Variants in TNC observed in about 807,000 individuals in gnomAD.
The protein encoded by TNC is tenascin.
Under a neutral mutation model 202.4 loss-of-function variants are expected in TNC, and 109 were observed. The observed-to-expected ratio is 0.54, with a 90% CI of 0.46 to 0.63. TNC has a LOEUF of 0.63. TNC is among the 30% of genes least tolerant of loss of function. TNC has a pLI of 0.00. For missense variants in TNC, 2,756 were observed against 2,833.3 expected, an observed-to-expected ratio of 0.97 and a Z score of 0.62; for synonymous variants, 1,007 against 1,089.7, an observed-to-expected ratio of 0.92 and a Z score of 1.50.
chr9:115,023,519 A>G (rs916817460), intron 27 of TNC, among the ~76,000 whole-genome samples: 2 of 152,188 alleles, frequency 1.3e-5, no homozygotes, highest in Non-Finnish European at 2.9e-5. Flanking sequence ...CTGTGACCTC[A>G]GGAAAGTCAG....
At chr9:115,115,446 TC>T (rs1371382007) in intron 1 of TNC, among the ~76,000 whole-genome samples, 2 of 152,206 alleles carry the variant, frequency 1.3e-5, no homozygotes, top group Non-Finnish European at 2.9e-5. Flanking sequence ...GTAAAGTTAT[TC>T]AGTCTCCCTG....
Position 115,045,541 on chromosome 9 carries a change from A to ATTT in TNC, c.5125+866_5125+868dup, listed in dbSNP as rs61415443. On this transcript the variant is annotated intron_variant, in intron 17 of 27. Coordinates refer to ENST00000350763, the MANE Select transcript of TNC (RefSeq NM_002160.4). ...GGCACCACACCTGGCTAAGTTTTTGATTTTTTTTTTTTTTTTTTTTTGCAC... is the reference window on the plus strand; with the variant it reads ...GGCACCACACCTGGCTAAGTTTTTGATTTTTTTTTTTTTTTTTTTTTTTTGCAC... Among the ~76,000 whole-genome samples, 47 of 110,122 alleles carry ATTT rather than the reference A, an allele frequency of 4.3e-4. 2 individuals carry two copies. The highest frequency in any genetic ancestry group is 3.3e-3 in the East Asian group (12 of 3,690). The allele number at this position is 110,122 out of a possible 152,430, so 72.2% of individuals were successfully genotyped here. A position where few individuals can be genotyped will look rare whatever the true frequency, so the allele number is the denominator to read the frequency against.
intron 4 of TNC, among the ~76,000 whole-genome samples, chr9:115,083,675 A>G (rs1166395226): frequency 6.8e-6 from 1 of 146,420 alleles, no homozygotes; most frequent in Non-Finnish European, 1.5e-5. Context: ...GCATGATCTC[A>G]GCTCACTACA....
chr9:115,084,427 G>A lies in TNC; in HGVS notation c.1913C>T (p.Thr638Met), dbSNP rs370926474. 49 of 1,614,038 alleles carry A rather than the reference G, an allele frequency of 3.0e-5. No individual in the cohort carries two copies. Among genetic ancestry groups the A allele is most frequent in the Middle Eastern group, 3.3e-4 (2 of 6,084 alleles). The change falls in exon 4 of 28, where the codon ACG becomes ATG. Residue 638 changes from threonine to methionine, a missense_variant. By Grantham distance (81) the Thr-to-Met change is moderately conservative (BLOSUM62 -1). Coordinates refer to ENST00000350763, the MANE Select transcript of TNC (RefSeq NM_002160.4). ...CTCATTGTCCCAGGCCAGGTTGACC[G>A]TCTCTTCCGTCACTTCTGTCACAAC... ...DLVVTEVTEE[T>M]VNLAWDNEMR...
At chr9:115,100,741 A>G (rs1836163868) in intron 1 of TNC, among the ~76,000 whole-genome samples, 1 of 152,204 alleles carries the variant, frequency 6.6e-6, no homozygotes, top group African/African-American at 2.4e-5. Context: ...TTTATCATTG[A>G]CACACAGAGG....
intron 18 of TNC, 91 bp from the exon 19 acceptor site, chr9:115,041,175 A>G: frequency 7.2e-7 from 1 of 1,390,286 alleles, no homozygotes; most frequent in Non-Finnish European, 9.8e-7. Flanking sequence ...TGATTTAGAA[A>G]TGAAACTATA....
chr9:115,111,395 CTCTCTTTTTTTTTTT>C (rs1837038829), intron 1 of TNC, among the ~76,000 whole-genome samples: 1 of 114,562 alleles, frequency 8.7e-6, no homozygotes, highest in Admixed American at 1.0e-4. Context: ...TTCTCTCTCT[CTCTCTTTTTTTTTTT>C]TTTTTTTTTT....
intron 1 of TNC, among the ~76,000 whole-genome samples, chr9:115,102,229 G>C (rs1315081293): frequency 6.6e-6 from 1 of 152,132 alleles, no homozygotes; most frequent in Non-Finnish European, 1.5e-5. Context: ...AGCCTTTTGT[G>C]CTGGAGGGCC....
At chr9:115,062,580 G>T (rs1832624472) in intron 13 of TNC, among the ~76,000 whole-genome samples, 1 of 144,826 alleles carries the variant, frequency 6.9e-6, no homozygotes, top group Non-Finnish European at 1.5e-5. Flanking sequence ...TTGCATTCTA[G>T]CCTGGGCAAA....
In TNC at chr9:115,038,494, A is replaced by G. The variant is rs922913249; in HGVS notation, c.5393-114T>C. The G allele has an allele frequency of 5.1e-6, 7 of 1,384,448 alleles. No homozygotes were observed. The Middle Eastern group carries it at 1.3e-3, about 260-fold the overall frequency. The allele number at this position is 1,384,448 out of a possible 1,614,324, so 85.8% of individuals were successfully genotyped here. A position where few individuals can be genotyped will look rare whatever the true frequency, so the allele number is the denominator to read the frequency against. Reference sequence around the variant, plus strand: ...CTGATGTTAGGACAGTGTCAGCTGCATGGAATGGTTCAGAGACCTAAGCCT... The same window carrying G: ...CTGATGTTAGGACAGTGTCAGCTGCGTGGAATGGTTCAGAGACCTAAGCCT... On this transcript the variant is annotated intron_variant, in intron 19 of 27. Transcript: ENST00000350763.
At chr9:115,092,485 A>T (rs1835303421) in intron 1 of TNC, among the ~76,000 whole-genome samples, 1 of 152,226 alleles carries the variant, frequency 6.6e-6, no homozygotes, top group Non-Finnish European at 1.5e-5. Flanking sequence ...TGTGAGAATG[A>T]TCTATACACG....
At position 115,021,251 on chromosome 9, in the gene TNC, T is replaced by G; in HGVS notation, c.6512A>C (p.His2171Pro). ...GATTGAGTGTTCGTGGCCCTTCCAG[T>G]GGAACCAGTTAACGCCCTGTTAAAA... ...NNHSQGVNWF[H>P]WKGHEHSIQF... The change falls in exon 28 of 28, where the codon CAC (histidine) becomes CCC (proline). Residue 2171 changes from histidine to proline, a missense_variant. This residue lies in a region of TNC where 197 missense variants were observed against 287.3 expected (regional missense o/e 0.69). Coordinates refer to ENST00000350763, the MANE Select transcript of TNC (RefSeq NM_002160.4). 6.2e-7 allele frequency: 1 copy of G among 1,607,898 alleles called. No homozygotes were observed. Among genetic ancestry groups the G allele is most frequent in the South Asian group, 1.1e-5 (1 of 90,872 alleles).
intron 2 of TNC, among the ~76,000 whole-genome samples, chr9:115,088,941 A>G (rs1835005112): frequency 6.6e-6 from 1 of 152,200 alleles, no homozygotes; most frequent in African/African-American, 2.4e-5. Flanking sequence ...GAATTAAATA[A>G]GAGATGACTA....
chr9:115,105,082 G>A (rs891371760), intron 1 of TNC, among the ~76,000 whole-genome samples: 7 of 152,172 alleles, frequency 4.6e-5, no homozygotes, highest in African/African-American at 1.4e-4. Context: ...GGAGCCAGAT[G>A]GAGCCATTGA....
In TNC at chr9:115,059,639, C is replaced by T. The variant is rs367856240; in HGVS notation, c.4306+91G>A. The T allele has an allele frequency of 3.7e-6, 5 of 1,347,330 alleles. No homozygotes were observed. The African/African-American group carries it at 5.8e-5, about 16-fold the overall frequency. 83.5% of individuals were successfully genotyped at this position (1,347,330 alleles called of 1,614,324 possible). On this transcript the variant is annotated intron_variant, in intron 14 of 27. Transcript: ENST00000350763. Reference sequence around the variant, plus strand: ...CACTGAAAGGCACATGAAAAGGATTCAGTTATGGCGAGATGCTGACTCCGC... The same window carrying T: ...CACTGAAAGGCACATGAAAAGGATTTAGTTATGGCGAGATGCTGACTCCGC...
chr9:115,063,912 C>G lies in TNC; in HGVS notation c.3644G>C (p.Gly1215Ala), dbSNP rs1275377417. ...VEAAQNLTVP[G>A]GLRSTDLPGL... is the part of the protein sequence containing the mutation. ...AGGCAGGTCTGTGGACCTCAGTCCT[C>G]CTGGGACGGTGAGGTTCTGGGCTGC... The change falls in exon 12 of 28, where the codon GGA (glycine) becomes GCA (alanine). Residue 1215 changes from glycine (G) to alanine (A), a missense_variant. Gly to Ala is a moderately conservative substitution (Grantham distance 60). Coordinates refer to ENST00000350763, the MANE Select transcript of TNC (RefSeq NM_002160.4). 5 of 1,614,052 alleles carry G rather than the reference C, an allele frequency of 3.1e-6. No individual in the cohort carries two copies. The highest frequency in any genetic ancestry group is 1.7e-5 in the Admixed American group (1 of 59,982).
intron 13 of TNC, among the ~76,000 whole-genome samples, chr9:115,062,017 T>A (rs1832581086): frequency 6.6e-6 from 1 of 152,234 alleles, no homozygotes; most frequent in Admixed American, 6.5e-5. Flanking sequence ...TATGTAGAGA[T>A]CTGCCTATCA....
chr9:115,048,529 G>A lies in TNC; in HGVS notation c.4583C>T (p.Ala1528Val), dbSNP rs772299258. The A allele has an allele frequency of 1.2e-6, 2 of 1,609,970 alleles. No individual in the cohort carries two copies. Among genetic ancestry groups the A allele is most frequent in the Admixed American group, 1.7e-5 (1 of 59,730 alleles). ...GGTTAGGTTTTCCAGAAGGGGCAGGGCCTCTGAAAGAAGGGAGGAGTGAAA... is the reference window on the plus strand; with the variant it reads ...GGTTAGGTTTTCCAGAAGGGGCAGGACCTCTGAAAGAAGGGAGGAGTGAAA... ...KTISATATTE[A>V]LPLLENLTIS... The change falls in exon 16 of 28, where the codon GCC (alanine) becomes GTC (valine). Residue 1528 changes from alanine (A) to valine (V), a missense_variant. Physicochemically the swap from Ala to Val is moderately conservative, Grantham distance 64 (BLOSUM62 0). This residue lies in a region of TNC where 2,559 missense variants were observed against 2,546.0 expected (regional missense o/e 1.01). Coordinates refer to ENST00000350763, the MANE Select transcript of TNC (RefSeq NM_002160.4).
intron 11 of TNC, 45 bp downstream of exon 11, chr9:115,064,602 C>T: frequency 6.4e-7 from 1 of 1,555,770 alleles, no homozygotes; most frequent in South Asian, 1.2e-5. Context: ...TGGGCAGTTT[C>T]CTGCTGGGAA....
Sources: gnomAD v4.1 joint callset for allele counts (sites outside exome capture counted in the v4.1 genomes callset) on GRCh38, gnomAD v4.1.1 for gene constraint, gnomAD v4.1.1 regional missense constraint, MANE v1.5 for transcripts, NCBI Gene and HGNC (gene_info 2026-07-23, HGNC 2026-07-21) for gene names.